SMC6: variants seen among roughly 807,000 people sequenced by gnomAD.
SMC6 encodes structural maintenance of chromosomes 6.
SMC6 carries 79 observed loss-of-function variants against 142.2 expected under a neutral mutation model. The observed-to-expected ratio is 0.56, with a 90% CI of 0.46 to 0.67. The LOEUF (loss-of-function observed/expected upper bound fraction) is 0.67. Ranked by LOEUF, SMC6 falls within the 30% of genes least tolerant of loss-of-function variation. The probability of loss-of-function intolerance (pLI) is 0.00; values close to 1 mark genes in which losing one functional copy is unlikely to be tolerated. For missense variants in SMC6, 1,072 were observed against 1,284.0 expected (o/e 0.83, Z 2.52); for synonymous variants, 411 against 412.4 (o/e 1.00, Z 0.04).
chr2:17,675,633 T>C (rs1019333846), intron 25 of SMC6, among the ~76,000 whole-genome samples: 6 of 152,108 alleles, frequency 3.9e-5, no homozygotes, highest in South Asian at 4.1e-4. Flanking sequence ...ATTCTAGATA[T>C]CAGTTTTTAA....
chr2:17,691,122 TAAG>T (rs1395261548), intron 23 of SMC6, among the ~76,000 whole-genome samples: 3 of 150,974 alleles, frequency 2.0e-5, no homozygotes, highest in East Asian at 4.0e-4. Flanking sequence ...TGTACCAACA[TAAG>T]AAGATCTTCA....
At chr2:17,669,310 T>C (rs1666647133) in intron 26 of SMC6, among the ~76,000 whole-genome samples, 1 of 152,168 alleles carries the variant, frequency 6.6e-6, no homozygotes, top group African/African-American at 2.4e-5. Flanking sequence ...TGATGTCTAA[T>C]AGGTAGTAGG....
chr2:17,678,796 T>C (rs1667114485), intron 25 of SMC6, 63 bp downstream of exon 25: 5 of 1,268,536 alleles, frequency 3.9e-6, no homozygotes, highest in African/African-American at 1.5e-5. Context: ...CCAACAAAAA[T>C]AGAAAAGAAA....
chr2:17,677,291 T>C (rs546950496), intron 25 of SMC6, among the ~76,000 whole-genome samples: 1 of 152,292 alleles, frequency 6.6e-6, no homozygotes, highest in East Asian at 1.9e-4. Context: ...GAAAGCTGGG[T>C]TGGGCTTAAA....
Position 17,665,623 on chromosome 2 carries a change from G to A in SMC6, c.3162-10C>T. On this transcript the variant is annotated splice_polypyrimidine_tract_variant and intron_variant, in intron 27 of 27. Coordinates refer to ENST00000448223, the MANE Select transcript of SMC6 (RefSeq NM_001142286.2). Reference sequence around the variant, plus strand: ...ACTGGATGGAAGTGAACTAGAAGAAGCAAAATCAATTACTCAAATTTCCAA... The same window carrying A: ...ACTGGATGGAAGTGAACTAGAAGAAACAAAATCAATTACTCAAATTTCCAA... 1 of 1,530,338 alleles carries A rather than the reference G, an allele frequency of 6.5e-7. No individual in the cohort carries two copies. Among genetic ancestry groups the A allele is most frequent in the Non-Finnish European group, 8.9e-7 (1 of 1,122,030 alleles). 94.8% of individuals were successfully genotyped at this position (1,530,338 alleles called of 1,614,324 possible). A position where few individuals can be genotyped will look rare whatever the true frequency, so the allele number is the denominator to read the frequency against.
intron 15 of SMC6, among the ~76,000 whole-genome samples, chr2:17,715,657 T>C (rs1056719986): frequency 1.3e-5 from 2 of 152,060 alleles, no homozygotes; most frequent in Non-Finnish European, 2.9e-5. Context: ...AAGAGTGAAG[T>C]AACCACAGAT....
At position 17,716,861 on chromosome 2, in the gene SMC6, T is replaced by A; in HGVS notation, c.1226A>T (p.Lys409Ile). The A allele has an allele frequency of 6.2e-7, 1 of 1,612,170 alleles. No homozygotes were observed. Among genetic ancestry groups the A allele is most frequent in the Non-Finnish European group, 8.5e-7 (1 of 1,179,516 alleles). The change falls in exon 14 of 28, where the codon AAA becomes ATA. Residue 409 changes from lysine to isoleucine, a missense_variant. Coordinates refer to ENST00000448223, the MANE Select transcript of SMC6 (RefSeq NM_001142286.2). ...LEPERLERQK[K>I]ISWLKERVKA... is the part of the protein sequence containing the mutation. The stretch of plus-strand genomic sequence containing the variant: ...TACTCTCTCTTTTAACCAAGATATT[T>A]TTTTTTGTCTTTCCAACCGTTCAGG...
intron 26 of SMC6, among the ~76,000 whole-genome samples, chr2:17,666,882 C>T (rs202038533): frequency 4.6e-5 from 7 of 151,772 alleles, no homozygotes; most frequent in African/African-American, 7.3e-5. Context: ...CTCGGGAGGC[C>T]GAGGCAGGAG....
rs1170293792 is a variant in SMC6, at chr2:17,701,863, A to G, written c.2189T>C (p.Ile730Thr). ...AATATCTACAGACTGGTGTTCTTCT[A>G]TGTTCTCAAGTTCCCGAATTTCAGA... ...NISEIRELEN[I>T]EEHQSVDIAT... The change falls in exon 20 of 28, where the codon ATA becomes ACA. Residue 730 changes from isoleucine (I) to threonine (T), a missense_variant. Physicochemically the swap from Ile to Thr is moderately conservative, Grantham distance 89 (BLOSUM62 -1). This residue lies in a region of SMC6 where 994 missense variants were observed against 1,153.2 expected (regional missense o/e 0.86). Transcript: ENST00000448223. 4 of 1,584,774 alleles carry G rather than the reference A, an allele frequency of 2.5e-6. No individual in the cohort carries two copies. The highest frequency in any genetic ancestry group is 3.4e-6 in the Non-Finnish European group (4 of 1,163,686).
chr2:17,745,835 T>C lies in SMC6; in HGVS notation c.112A>G (p.Thr38Ala), dbSNP rs140231302. 4.4e-6 allele frequency: 7 copies of C among 1,608,972 alleles called. No individual in the cohort carries two copies. The highest frequency in any genetic ancestry group is 4.0e-5 in the African/African-American group (3 of 74,714). Residue 38 changes from threonine (T) to alanine (A), a missense_variant, in exon 3 of 28, where the codon ACT (threonine) becomes GCT (alanine). Transcript: ENST00000448223. ...TGTAATTTTTCGCTTACCAAAGTAG[T>C]ACCTTTACATTCGTCTTCGTCACCA... is the stretch of plus-strand genomic sequence containing the variant. ...KDGDEDECKG[T>A]TLTAAEVGII...
intron 4 of SMC6, chr2:17,740,913 A>G (rs1337648416): frequency 3.5e-6 from 1 of 286,614 alleles, no homozygotes; most frequent in Non-Finnish European, 6.8e-6. Context: ...CAAAACTCTA[A>G]TTGGTTCCCC....
intron 9 of SMC6, among the ~76,000 whole-genome samples, chr2:17,723,948 T>TA (rs376682940): frequency 3.9e-5 from 6 of 152,312 alleles, no homozygotes; most frequent in African/African-American, 1.2e-4. Flanking sequence ...TGAGTGCATA[T>TA]TATGCATCAG....
At chr2:17,678,284 A>C (rs905311215) in intron 25 of SMC6, among the ~76,000 whole-genome samples, 1 of 152,202 alleles carries the variant, frequency 6.6e-6, no homozygotes, top group African/African-American at 2.4e-5. Flanking sequence ...TAGAAAGACA[A>C]GGTAAATACT....
chr2:17,740,316 G>C (rs574840697), intron 4 of SMC6, among the ~76,000 whole-genome samples: 68 of 152,174 alleles, frequency 4.5e-4, no homozygotes, highest in Non-Finnish European at 7.1e-4. Flanking sequence ...AACAACAAAA[G>C]GGACTGCAGA....
chr2:17,710,624 G>C (rs1045708006), intron 16 of SMC6, among the ~76,000 whole-genome samples: 2 of 152,082 alleles, frequency 1.3e-5, no homozygotes, highest in African/African-American at 4.8e-5. Context: ...AGAAGAGTGA[G>C]GTCCTTGGGC....
At chr2:17,718,252 AT>A (rs1669200633) in intron 11 of SMC6, 29 bp from the exon 12 acceptor site, 3 of 1,513,552 alleles carry the variant, frequency 2.0e-6, no homozygotes, top group South Asian at 1.3e-5. Context: ...ATTGAAGTAT[AT>A]TTTTTCTTCA....
At chr2:17,712,333 A>G (rs1668867264) in intron 16 of SMC6, among the ~76,000 whole-genome samples, 1 of 152,232 alleles carries the variant, frequency 6.6e-6, no homozygotes, top group African/African-American at 2.4e-5. Flanking sequence ...AGGAAAGTTT[A>G]AGGCTCAGGA....
At chr2:17,716,632 T>G in intron 14 of SMC6, 109 bp downstream of exon 14, 1 of 1,117,088 alleles carries the variant, frequency 9.0e-7, no homozygotes, top group Admixed American at 2.5e-5. Flanking sequence ...TTTAAAAAGA[T>G]CCCTTATTAT....
At chr2:17,721,342 A>T in intron 9 of SMC6, 81 bp from the exon 10 acceptor site, 2 of 1,354,512 alleles carry the variant, frequency 1.5e-6, no homozygotes, top group Non-Finnish European at 2.0e-6. Flanking sequence ...TCTTTTAAAA[A>T]CAATGCCTAA....
Sources: allele counts gnomAD v4.1 joint callset (sites outside exome capture counted in the v4.1 genomes callset), GRCh38; gene constraint gnomAD v4.1.1; regional missense constraint gnomAD v4.1.1; transcripts MANE v1.5; gene names NCBI Gene and HGNC (gene_info 2026-07-23, HGNC 2026-07-21).